Variants in TRIM16 observed in about 807,000 individuals in gnomAD.
TRIM16 encodes the protein tripartite motif-containing protein 16.
Under a neutral mutation model 50.4 loss-of-function variants are expected in TRIM16, and 33 were observed. That is an observed-to-expected ratio of 0.65 (90% CI 0.50 to 0.88). The LOEUF (loss-of-function observed/expected upper bound fraction) is 0.88, where lower values mean the gene tolerates loss of function less well. Among genes scored for constraint, TRIM16 ranks in the 40% least tolerant of loss-of-function variants. The probability of loss-of-function intolerance (pLI) is 0.00; values close to 1 mark genes in which losing one functional copy is unlikely to be tolerated. For missense variants in TRIM16, 581 were observed against 686.8 expected, an observed-to-expected ratio of 0.85 and a Z score of 1.72; for synonymous variants, 229 against 270.7, an observed-to-expected ratio of 0.85 and a Z score of 1.51.
At chr17:15,662,738 G>A (rs1383716417) in intron 6 of TRIM16, among the ~76,000 whole-genome samples, 1 of 152,150 alleles carries the variant, frequency 6.6e-6, no homozygotes, top group Non-Finnish European at 1.5e-5. Flanking sequence ...ATCTACATGA[G>A]ATACAGGGTT....
intron 8 of TRIM16, among the ~76,000 whole-genome samples, chr17:15,637,638 C>G (rs1986886324): frequency 6.8e-6 from 1 of 147,924 alleles, no homozygotes; most frequent in Non-Finnish European, 1.5e-5. Context: ...GGTCAGCCCC[C>G]CCGCCCGGCC....
At chr17:15,678,952 C>T (rs527381126) in intron 4 of TRIM16, among the ~76,000 whole-genome samples, 56 of 150,320 alleles carry the variant, frequency 3.7e-4, no homozygotes, top group African/African-American at 1.2e-3. Context: ...CTCGGCTTAC[C>T]GCAACCTCCA....
intron 6 of TRIM16, among the ~76,000 whole-genome samples, chr17:15,661,428 GC>G (rs1401528714): frequency 6.6e-6 from 1 of 152,108 alleles, no homozygotes; most frequent in Non-Finnish European, 1.5e-5. Flanking sequence ...TTCCCCAGAA[GC>G]CTGTCACATT....
At chr17:15,631,898 G>C (rs1349595987) in intron 10 of TRIM16, 184 bp from the exon 11 acceptor site, 9 of 613,684 alleles carry the variant, frequency 1.5e-5, no homozygotes, top group Non-Finnish European at 2.6e-5. Context: ...ATAAACCACT[G>C]AAAAAGTGAT....
intron 6 of TRIM16, among the ~76,000 whole-genome samples, chr17:15,663,257 C>T (rs1408750897): frequency 6.6e-6 from 1 of 152,192 alleles, no homozygotes; most frequent in East Asian, 1.9e-4. Flanking sequence ...GCACGTGCCA[C>T]TCTCCTCTCC....
In TRIM16 at chr17:15,647,816, TAC is replaced by T. The variant is rs558765410; in HGVS notation, c.519+3273_519+3274del. 1.5e-3 allele frequency among the ~76,000 whole-genome samples: 207 copies of T among 138,888 alleles called. 1 individual carries two copies. The highest frequency in any genetic ancestry group is 6.1e-3 in the East Asian group (29 of 4,754). The allele number at this position is 138,888 out of a possible 152,430, so 91.1% of individuals were successfully genotyped here. ...AGTCATAGAAGGAGTCCAGATTTCA[TAC>T]ACACACACACACACACACACACACA... On this transcript the variant is annotated intron_variant, in intron 7 of 11. Transcript: ENST00000649191.
intron 7 of TRIM16, among the ~76,000 whole-genome samples, chr17:15,645,556 A>G (rs946268523): frequency 6.6e-6 from 1 of 151,264 alleles, no homozygotes; most frequent in Non-Finnish European, 1.5e-5. Context: ...CAAGGGCAAT[A>G]TACAAAAAGA....
In TRIM16 at chr17:15,628,215, C is replaced by T. The variant is rs1176871018; in HGVS notation, c.*400G>A. 1 of 161,882 alleles carries T rather than the reference C, an allele frequency of 6.2e-6. No individual in the cohort carries two copies. 10.0% of individuals were successfully genotyped at this position (161,882 alleles called of 1,614,324 possible). ...ACGAGGTCAGGAGTTTGAGATCTGC[C>T]TGGCCAACATGGTGAAACCCCATCT... On this transcript the variant is annotated 3_prime_UTR_variant, in exon 12 of 12. Transcript: ENST00000649191.
intron 6 of TRIM16, 129 bp downstream of exon 6, chr17:15,677,047 T>G: frequency 2.7e-6 from 1 of 364,354 alleles, no homozygotes; most frequent in Non-Finnish European, 3.8e-6. Context: ...GGTAAGCTAT[T>G]AGGATTCTGA....
intron 8 of TRIM16, 140 bp downstream of exon 8, chr17:15,642,581 A>T: frequency 8.0e-7 from 1 of 1,254,708 alleles, no homozygotes; most frequent in Non-Finnish European, 1.1e-6. Flanking sequence ...CATCAAGGTG[A>T]GGCTACCGCA....
chr17:15,676,156 G>A (rs1275380774), intron 6 of TRIM16, among the ~76,000 whole-genome samples: 5 of 152,014 alleles, frequency 3.3e-5, no homozygotes, highest in Admixed American at 2.0e-4. Flanking sequence ...GTGGGGCCCC[G>A]TCCTGTGCAT....
chr17:15,670,380 T>C (rs934634093), intron 6 of TRIM16, among the ~76,000 whole-genome samples: 1 of 152,184 alleles, frequency 6.6e-6, no homozygotes, highest in Non-Finnish European at 1.5e-5. Context: ...AGCTCCCTCC[T>C]GTCCCTCAAT....
intron 6 of TRIM16, among the ~76,000 whole-genome samples, chr17:15,669,517 A>G (rs1466164436): frequency 1.3e-5 from 2 of 152,226 alleles, no homozygotes; most frequent in Non-Finnish European, 2.9e-5. Flanking sequence ...CATCAATTCT[A>G]AAGGGTAGGA....
intron 6 of TRIM16, among the ~76,000 whole-genome samples, chr17:15,666,747 T>C (rs905046767): frequency 4.6e-5 from 7 of 152,256 alleles, no homozygotes; most frequent in African/African-American, 9.6e-5. Context: ...ATCAGTAGCC[T>C]GTTGTTTTCA....
Position 15,670,475 on chromosome 17 carries a change from G to T in TRIM16, c.-338+6701C>A, listed in dbSNP as rs1296354643. ...TCTATGGTCTACATGTCACAGAAAG[G>T]TCTTTTTTTTATGCAGGGTTGGGAG... On this transcript the variant is annotated intron_variant, in intron 6 of 11. Transcript: ENST00000649191. Among the ~76,000 whole-genome samples the T allele has an allele frequency of 1.3e-4, 20 of 152,140 alleles. 1 individual carries two copies. The highest frequency in any genetic ancestry group is 2.8e-4 in the Non-Finnish European group (19 of 68,032).
chr17:15,644,217 G>A (rs1452358025), intron 7 of TRIM16, among the ~76,000 whole-genome samples: 22 of 152,124 alleles, frequency 1.4e-4, no homozygotes, highest in African/African-American at 4.3e-4. Context: ...ATGGAGTCTC[G>A]CTCTGTCTCC....
chr17:15,651,558 G>A lies in TRIM16; in HGVS notation c.52C>T (p.Gln18Ter), dbSNP rs753963083. The change falls in exon 7 of 12, where the codon CAG becomes TAG. Residue 18 changes from glutamine (Q) to a stop codon, truncating the protein, a stop_gained. Coordinates refer to ENST00000649191, the MANE Select transcript of TRIM16 (RefSeq NM_001348119.1). LOFTEE classifies it high-confidence loss of function. ...APGPLPRATAQPPAPLSPDSG... is the reference protein window; with the variant it reads ...APGPLPRATA ...TCTGGGCTGAGAGGGGCTGGGGGCT[G>A]AGCAGTGGCCCTGGGCAGTGGCCCT... 1 of 1,614,044 alleles carries A rather than the reference G, an allele frequency of 6.2e-7. No homozygotes were observed. Among genetic ancestry groups the A allele is most frequent in the South Asian group, 1.1e-5 (1 of 91,080 alleles).
At chr17:15,674,822 C>T (rs1988859358) in intron 6 of TRIM16, among the ~76,000 whole-genome samples, 1 of 152,096 alleles carries the variant, frequency 6.6e-6, no homozygotes, top group South Asian at 2.1e-4. Flanking sequence ...CCCTCATCTC[C>T]CGGGGGGTGA....
chr17:15,645,915 G>A (rs1360976553), intron 7 of TRIM16, among the ~76,000 whole-genome samples: 2 of 152,136 alleles, frequency 1.3e-5, no homozygotes, highest in Non-Finnish European at 2.9e-5. Context: ...CTGGAATCTT[G>A]AACTATGAAA....
Sources: allele counts gnomAD v4.1 joint callset (sites outside exome capture counted in the v4.1 genomes callset), GRCh38; gene constraint gnomAD v4.1.1; transcripts MANE v1.5; gene names NCBI Gene and HGNC (gene_info 2026-07-23, HGNC 2026-07-21).